SSH2: variants seen among roughly 807,000 people sequenced by gnomAD.
SSH2 encodes the protein slingshot protein phosphatase 2.
A neutral mutation model predicts 135.2 loss-of-function variants in SSH2; 37 were observed. The ratio of observed to expected loss-of-function variants is 0.27; its 90% CI spans 0.21 to 0.36. The LOEUF (loss-of-function observed/expected upper bound fraction) is 0.36. SSH2 is among the 10% of genes least tolerant of loss of function. SSH2 has a pLI of 1.00. For synonymous variants in SSH2, 628 were observed against 646.2 expected (o/e 0.97, Z 0.43); for missense variants, 1,408 against 1,765.3 (o/e 0.80, Z 3.63).
chr17:29,767,113 G>A (rs1031004612), intron 3 of SSH2, among the ~76,000 whole-genome samples: 2 of 152,100 alleles, frequency 1.3e-5, no homozygotes, highest in African/African-American at 4.8e-5. Context: ...CTCCATAAGA[G>A]CAATGGAAAA....
chr17:29,698,907 GT>G (rs1413076941), intron 4 of SSH2, among the ~76,000 whole-genome samples: 6 of 152,098 alleles, frequency 3.9e-5, no homozygotes, highest in Non-Finnish European at 4.4e-5. Context: ...GCAGCCCAAA[GT>G]CCCCACTCCA....
chr17:29,639,216 G>A (rs2036044666), intron 14 of SSH2, among the ~76,000 whole-genome samples: 1 of 152,122 alleles, frequency 6.6e-6, no homozygotes, highest in Non-Finnish European at 1.5e-5. Flanking sequence ...GAGGTAGGGA[G>A]GAGATTTCAT....
intron 1 of SSH2, among the ~76,000 whole-genome samples, chr17:29,876,790 T>C (rs1310117782): frequency 6.6e-6 from 1 of 151,808 alleles, no homozygotes; most frequent in Non-Finnish European, 1.5e-5. Flanking sequence ...GGGAGAACTC[T>C]CCAGGACATT....
chr17:29,664,333 A>AT (rs2037181860), intron 11 of SSH2, among the ~76,000 whole-genome samples: 1 of 150,982 alleles, frequency 6.6e-6, no homozygotes, highest in African/African-American at 2.4e-5. Context: ...AGATCATGCC[A>AT]TTGCACTCCA....
chr17:29,835,371 A>C (rs551424980), intron 2 of SSH2, among the ~76,000 whole-genome samples: 1 of 152,368 alleles, frequency 6.6e-6, no homozygotes, highest in South Asian at 2.1e-4. Context: ...ACTCAGAAGA[A>C]GACCATAGCA....
chr17:29,644,097 AGGAGATGATAAGTGGTAC>A (rs1218816149), intron 14 of SSH2, among the ~76,000 whole-genome samples: 1 of 152,208 alleles, frequency 6.6e-6, no homozygotes, highest in Non-Finnish European at 1.5e-5. Context: ...TTCTTTTTAA[AGGAGATGATAAGTGGTAC>A]AACTTTTATC....
At chr17:29,908,990 T>C (rs1260008642) in intron 1 of SSH2, among the ~76,000 whole-genome samples, 1 of 150,734 alleles carries the variant, frequency 6.6e-6, no homozygotes, top group Non-Finnish European at 1.5e-5. Context: ...GGCAGGAGAA[T>C]GGTGTGAAGC....
chr17:29,878,540 T>C (rs1292870846), intron 1 of SSH2, among the ~76,000 whole-genome samples: 1 of 152,166 alleles, frequency 6.6e-6, no homozygotes, highest in Non-Finnish European at 1.5e-5. Context: ...AATATATGTT[T>C]AGAATAAATA....
At chr17:29,808,326 G>T (rs539522673) in intron 2 of SSH2, among the ~76,000 whole-genome samples, 14 of 152,166 alleles carry the variant, frequency 9.2e-5, no homozygotes, top group African/African-American at 3.4e-4. Flanking sequence ...ACGGGGTTTC[G>T]CCATGTTGGC....
chr17:29,922,176 A>T (rs2066987598), intron 1 of SSH2, among the ~76,000 whole-genome samples: 2 of 152,214 alleles, frequency 1.3e-5, no homozygotes, highest in Admixed American at 1.3e-4. Context: ...CAAAGGGAGC[A>T]TGGGCATGTC....
rs545083121 is a variant in SSH2, at chr17:29,739,300, T to C, written c.189-36238A>G. On this transcript the variant is annotated intron_variant, in intron 3 of 15. Coordinates refer to ENST00000540801, the MANE Select transcript of SSH2 (RefSeq NM_001282129.2). ...GTGGACTTGTGACCTGTGCAGGGTTTGGTGCTTGAAGGGTCCCAGAATTGG... is the reference window on the plus strand; with the variant it reads ...GTGGACTTGTGACCTGTGCAGGGTTCGGTGCTTGAAGGGTCCCAGAATTGG... 2.2e-4 allele frequency among the ~76,000 whole-genome samples: 33 copies of C among 152,340 alleles called. No homozygotes were observed. In the South Asian group the frequency reaches 6.6e-3, roughly 31 times the overall value.
chr17:29,903,170 G>GC (rs1235129031), intron 1 of SSH2, among the ~76,000 whole-genome samples: 2 of 150,738 alleles, frequency 1.3e-5, no homozygotes, highest in Non-Finnish European at 2.9e-5. Flanking sequence ...TGGGCAAAGA[G>GC]CAAGACTCTG....
chr17:29,701,961 C>T (rs2039003511), intron 4 of SSH2, among the ~76,000 whole-genome samples: 1 of 146,112 alleles, frequency 6.8e-6, no homozygotes, highest in South Asian at 2.1e-4. Context: ...GTCCTTGACT[C>T]AGGCAATCCT....
chr17:29,879,034 T>A (rs2066087709), intron 1 of SSH2, among the ~76,000 whole-genome samples: 1 of 152,194 alleles, frequency 6.6e-6, no homozygotes, highest in South Asian at 2.1e-4. Flanking sequence ...ATTACATGAT[T>A]TCCCCTCACA....
intron 2 of SSH2, among the ~76,000 whole-genome samples, chr17:29,811,658 C>A (rs1005191374): frequency 1.3e-5 from 2 of 151,786 alleles, no homozygotes; most frequent in Non-Finnish European, 2.9e-5. Flanking sequence ...TGTCTTGAAC[C>A]CCTGGGCTCA....
chr17:29,676,689 T>C (rs955844864), intron 8 of SSH2, 131 bp downstream of exon 8: 5 of 712,764 alleles, frequency 7.0e-6, no homozygotes, highest in Non-Finnish European at 1.2e-5. Flanking sequence ...AGGTCATCTT[T>C]AACTACGATG....
intron 2 of SSH2, among the ~76,000 whole-genome samples, chr17:29,840,256 C>T (rs1187294077): frequency 2.0e-5 from 3 of 152,152 alleles, no homozygotes; most frequent in Non-Finnish European, 4.4e-5. Context: ...CTCCTTGTTT[C>T]TGCCTACAAA....
chr17:29,635,852 G>A, intron 15 of SSH2, 116 bp downstream of exon 15: 2 of 869,460 alleles, frequency 2.3e-6, no homozygotes, highest in South Asian at 3.3e-5. Flanking sequence ...TAAACCCTAA[G>A]TTTTCAAAGA....
chr17:29,635,764 C>G (rs1483197671), intron 15 of SSH2, among the ~76,000 whole-genome samples: 1 of 152,208 alleles, frequency 6.6e-6, no homozygotes, highest in African/African-American at 2.4e-5. Context: ...ACTCCTTCCT[C>G]TGTCATCCCC....
Sources: allele counts gnomAD v4.1 joint callset (sites outside exome capture counted in the v4.1 genomes callset), GRCh38; gene constraint gnomAD v4.1.1; transcripts MANE v1.5; gene names NCBI Gene and HGNC (gene_info 2026-07-23, HGNC 2026-07-21).